The following VAX2 variants were observed in gnomAD, a reference collection of about 807,000 sequenced individuals.
The protein encoded by VAX2 is ventral anterior homeobox 2.
A neutral mutation model predicts 12.5 loss-of-function variants in VAX2; 8 were observed. The ratio of observed to expected loss-of-function variants is 0.64; its 90% CI spans 0.37 to 1.15. The LOEUF (loss-of-function observed/expected upper bound fraction) is 1.15. Among genes scored for constraint, VAX2 ranks in the 50% most tolerant of loss-of-function variants. The pLI is 0.01. For missense variants in VAX2, 476 were observed against 412.9 expected (o/e 1.15, Z -1.32); for synonymous variants, 183 against 187.6 (o/e 0.98, Z 0.20).
At chr2:70,901,680 C>G (rs1389015934) in intron 1 of VAX2, among the ~76,000 whole-genome samples, 1 of 152,262 alleles carries the variant, frequency 6.6e-6, no homozygotes, top group Non-Finnish European at 1.5e-5. Flanking sequence ...CCGAGGCTCC[C>G]CAGGTCCCCA....
intron 2 of VAX2, among the ~76,000 whole-genome samples, chr2:70,927,816 G>C (rs1558662308): frequency 6.6e-6 from 1 of 151,996 alleles, no homozygotes; most frequent in Non-Finnish European, 1.5e-5. Flanking sequence ...CGCGGAGGGG[G>C]GCGGGGCAGC....
chr2:70,917,534 G>A (rs781891704), intron 1 of VAX2, among the ~76,000 whole-genome samples: 4 of 152,044 alleles, frequency 2.6e-5, no homozygotes, highest in Non-Finnish European at 5.9e-5. Flanking sequence ...TCCACTCTCA[G>A]TATTTTTTCT....
chr2:70,918,563 G>T (rs1679361257), intron 1 of VAX2, among the ~76,000 whole-genome samples: 1 of 152,106 alleles, frequency 6.6e-6, no homozygotes, highest in African/African-American at 2.4e-5. Context: ...CTCATGACCA[G>T]GTCCTCTTCA....
At position 70,929,559 on chromosome 2, in the gene VAX2, C is replaced by T. The variant is rs548610022; in HGVS notation, c.436-3208C>T. Among the ~76,000 whole-genome samples the T allele has an allele frequency of 1.1e-4, 17 of 152,146 alleles. No individual in the cohort carries two copies. The South Asian group carries it at 1.9e-3, about 17-fold the overall frequency. ...AAAATTAGTTGGGTGTGATGGCACA[C>T]GCCTATAATCCCAGCTACTCAGGAG... On this transcript the variant is annotated intron_variant, in intron 2 of 2. Transcript: ENST00000234392.
intron 1 of VAX2, among the ~76,000 whole-genome samples, chr2:70,903,636 A>G (rs541370511): frequency 2.6e-5 from 4 of 152,296 alleles, no homozygotes; most frequent in African/African-American, 9.6e-5. Context: ...ATCAGAGGTG[A>G]TGTCTATAAA....
chr2:70,915,695 A>G (rs1027486485), intron 1 of VAX2, among the ~76,000 whole-genome samples: 1 of 152,226 alleles, frequency 6.6e-6, no homozygotes, highest in South Asian at 2.1e-4. Context: ...ATAGGAATTT[A>G]ACTTAATTTT....
chr2:70,920,075 G>A (rs1028396068), intron 1 of VAX2, among the ~76,000 whole-genome samples: 3 of 152,256 alleles, frequency 2.0e-5, no homozygotes, highest in Admixed American at 6.5e-5. Flanking sequence ...CTTCCTCAAG[G>A]CGGCCTTGTG....
Position 70,900,825 on chromosome 2 carries a change from CG to C in VAX2, c.207del (p.Gly71AlafsTer69). ...ESGADSDGQP[G>X]PGEADHCRRI... ...GTGGAGCCGACAGCGACGGGCAGCC[CG>C]GGCCCGGCGAGGCAGACCACTGCCG... is the stretch of plus-strand genomic sequence containing the variant. On this transcript the variant is annotated frameshift_variant, in exon 1 of 3. Coordinates refer to ENST00000234392, the MANE Select transcript of VAX2 (RefSeq NM_012476.3). LOFTEE classifies it high-confidence loss of function. 6.8e-7 allele frequency: 1 copy of C among 1,478,680 alleles called. No homozygotes were observed. Among genetic ancestry groups the C allele is most frequent in the Non-Finnish European group, 9.0e-7 (1 of 1,115,340 alleles). The allele number at this position is 1,478,680 out of a possible 1,614,324, so 91.6% of individuals were successfully genotyped here. A position where few individuals can be genotyped will look rare whatever the true frequency, so the allele number is the denominator to read the frequency against.
intron 1 of VAX2, among the ~76,000 whole-genome samples, chr2:70,907,355 GGCTTTCGGCTTTCGGCGGCA>G: frequency 6.6e-6 from 1 of 152,212 alleles, no homozygotes; most frequent in African/African-American, 2.4e-5. Flanking sequence ...CCCGGCTTTC[GGCTTTCGGCTTTCGGCGGCA>G]GCCGGGTGTG....
At chr2:70,906,215 A>T (rs186647523) in intron 1 of VAX2, among the ~76,000 whole-genome samples, 517 of 152,302 alleles carry the variant, frequency 3.4e-3, no homozygotes, top group African/African-American at 0.012. Context: ...TTCATTCCTC[A>T]TACCCCCAAC....
chr2:70,927,273 A>T (rs1037916994), intron 2 of VAX2, among the ~76,000 whole-genome samples: 9 of 151,010 alleles, frequency 6.0e-5, no homozygotes, highest in African/African-American at 2.2e-4. Flanking sequence ...CTGGCTCAGG[A>T]CTCCCCTCCT....
intron 2 of VAX2, among the ~76,000 whole-genome samples, chr2:70,924,024 G>A (rs1390490570): frequency 2.6e-5 from 4 of 152,096 alleles, no homozygotes; most frequent in Admixed American, 1.3e-4. Flanking sequence ...TGCAGGGTGT[G>A]GTGGCACACA....
intron 2 of VAX2, among the ~76,000 whole-genome samples, chr2:70,927,181 G>T (rs1458500735): frequency 2.6e-5 from 4 of 151,952 alleles, no homozygotes; most frequent in African/African-American, 9.7e-5. Context: ...ATATTTCTGT[G>T]TTGCCTGAAT....
chr2:70,923,281 C>T (rs1030105093), intron 2 of VAX2, among the ~76,000 whole-genome samples: 29 of 152,260 alleles, frequency 1.9e-4, no homozygotes, highest in Admixed American at 1.1e-3. Context: ...GCTTATTGAG[C>T]GCTTCCCATG....
chr2:70,906,373 G>A (rs782292332), intron 1 of VAX2, among the ~76,000 whole-genome samples: 18 of 152,182 alleles, frequency 1.2e-4, no homozygotes, highest in Admixed American at 3.3e-4. Context: ...GAATGCACCC[G>A]GAAAGTCAGG....
At position 70,933,164 on chromosome 2, in the gene VAX2, A is replaced by G. The variant is rs1553414671; in HGVS notation, c.833A>G (p.Lys278Arg). The change falls in exon 3 of 3, where the codon AAA becomes AGA. Residue 278 changes from lysine to arginine, a missense_variant. Physicochemically the swap from Lys to Arg is conservative, Grantham distance 26 (BLOSUM62 2). Transcript: ENST00000234392. ...GAGCCATACAGCTGGCTAGAACGGA[A>G]AGTGGGCAGCGCCAGCAGCTGCAAG... Reference protein sequence around the residue: ...AFEPYSWLERKVGSASSCKKA... With the variant: ...AFEPYSWLERRVGSASSCKKA... The G allele has an allele frequency of 1.3e-6, 2 of 1,544,206 alleles. No individual in the cohort carries two copies. Among genetic ancestry groups the G allele is most frequent in the African/African-American group, 1.4e-5 (1 of 72,442 alleles).
At chr2:70,901,255 G>C (rs906448102) in intron 1 of VAX2, among the ~76,000 whole-genome samples, 2 of 152,234 alleles carry the variant, frequency 1.3e-5, no homozygotes, top group Non-Finnish European at 1.5e-5. Flanking sequence ...GGACGTGGAG[G>C]GAGCAGCGTC....
In VAX2 at chr2:70,921,172, T is replaced by C; in HGVS notation, c.322T>C (p.Ser108Pro). ...GGACCGGCCCAAGCGGACACGTACA[T>C]CCTTCACTGCCGAGCAGCTGTACCG... ...DLDRPKRTRT[S>P]FTAEQLYRLE... The change falls in exon 2 of 3, where the codon TCC (serine) becomes CCC (proline). Residue 108 changes from serine (S) to proline (P), a missense_variant. Physicochemically the swap from Ser to Pro is moderately conservative, Grantham distance 74. Transcript: ENST00000234392. The C allele has an allele frequency of 6.2e-7, 1 of 1,613,618 alleles. No individual in the cohort carries two copies. The highest frequency in any genetic ancestry group is 8.5e-7 in the Non-Finnish European group (1 of 1,179,932).
In VAX2 at chr2:70,932,447, A is replaced by G. The variant is rs116325632; in HGVS notation, c.436-320A>G. ...GCATGTGGGCCAAGAGGAGAACATC[A>G]GTTGTACTCCCAAACTCCATTCTCT... On this transcript the variant is annotated intron_variant, in intron 2 of 2. Coordinates refer to ENST00000234392, the MANE Select transcript of VAX2 (RefSeq NM_012476.3). 7.9e-3 allele frequency among the ~76,000 whole-genome samples: 1,200 copies of G among 152,106 alleles called. 27 individuals carry two copies. The highest frequency in any genetic ancestry group is 0.027 in the African/African-American group (1,126 of 41,488).
Sources: allele counts gnomAD v4.1 joint callset (sites outside exome capture counted in the v4.1 genomes callset), GRCh38; gene constraint gnomAD v4.1.1; transcripts MANE v1.5; gene names NCBI Gene and HGNC (gene_info 2026-07-23, HGNC 2026-07-21).